Variants in PPFIA2 observed in about 807,000 individuals in gnomAD.
PPFIA2 encodes the protein liprin-alpha-2.
A neutral mutation model predicts 175.5 loss-of-function variants in PPFIA2; 46 were observed. The observed-to-expected ratio is 0.26, with a 90% CI of 0.21 to 0.34. The LOEUF (loss-of-function observed/expected upper bound fraction) is 0.34. Among genes scored for constraint, PPFIA2 ranks in the 10% least tolerant of loss-of-function variants. PPFIA2 has a pLI of 1.00. For synonymous variants in PPFIA2, 568 were observed against 511.4 expected (o/e 1.11, Z -1.49); for missense variants, 1,179 against 1,506.1 (o/e 0.78, Z 3.60).
At position 81,433,321 on chromosome 12, in the gene PPFIA2, T is replaced by A. The variant is rs2048423687; in HGVS notation, c.645+6651A>T. The stretch of plus-strand genomic sequence containing the variant: ...ATACTCAAATGCTGTCTTTTTAGGT[T>A]GAAGTCTTCTCCGATCCTTTGGCAC... On this transcript the variant is annotated intron_variant, in intron 7 of 32. Transcript: ENST00000549396. Among the ~76,000 whole-genome samples the A allele has an allele frequency of 2.0e-5, 3 of 152,204 alleles. No individual in the cohort carries two copies. In the South Asian group the frequency reaches 6.2e-4, roughly 31 times the overall value.
intron 3 of PPFIA2, among the ~76,000 whole-genome samples, chr12:81,710,614 A>G (rs930002910): frequency 2.0e-5 from 3 of 152,272 alleles, no homozygotes; most frequent in South Asian, 4.1e-4. Flanking sequence ...TTACATATAC[A>G]TAATGAGATA....
At chr12:81,653,969 T>C (rs1242615687) in intron 4 of PPFIA2, among the ~76,000 whole-genome samples, 4 of 152,010 alleles carry the variant, frequency 2.6e-5, no homozygotes, top group Non-Finnish European at 4.4e-5. Context: ...TATAGTAATA[T>C]GTGCGTATAA....
chr12:81,642,562 T>C (rs894059295), intron 4 of PPFIA2, among the ~76,000 whole-genome samples: 8 of 147,014 alleles, frequency 5.4e-5, no homozygotes, highest in Admixed American at 3.4e-4. Context: ...AAAACAAGCA[T>C]TGCCCCTTAT....
At chr12:81,421,957 G>A (rs1156713450) in intron 7 of PPFIA2, among the ~76,000 whole-genome samples, 1 of 151,348 alleles carries the variant, frequency 6.6e-6, no homozygotes, top group African/African-American at 2.4e-5. Flanking sequence ...AAAGAAAGCT[G>A]GGAATGGCTA....
At chr12:81,499,165 A>G (rs2060333974) in intron 4 of PPFIA2, among the ~76,000 whole-genome samples, 1 of 152,180 alleles carries the variant, frequency 6.6e-6, no homozygotes, top group Admixed American at 6.5e-5. Flanking sequence ...TTGCCAGGAC[A>G]TACATCTGCC....
intron 4 of PPFIA2, among the ~76,000 whole-genome samples, chr12:81,636,426 C>T (rs1393739936): frequency 6.6e-6 from 1 of 150,890 alleles, no homozygotes; most frequent in Non-Finnish European, 1.5e-5. Context: ...CTACCACGCC[C>T]GGCTAATTTT....
chr12:81,307,021 T>A (rs2049409053), intron 22 of PPFIA2, among the ~76,000 whole-genome samples: 1 of 152,244 alleles, frequency 6.6e-6, no homozygotes, highest in South Asian at 2.1e-4. Flanking sequence ...GTTTGTGCAT[T>A]ACCAATTCCA....
rs1249065788 is a variant in PPFIA2, at chr12:81,747,357, G to A, written c.249+6616C>T. ...AGGGACATGTGTGACTGGCCATGGT[G>A]GAAGTGGAAAATTTAGGAAAATTTA... On this transcript the variant is annotated intron_variant, in intron 3 of 32. Coordinates refer to ENST00000549396, the MANE Select transcript of PPFIA2 (RefSeq NM_003625.5). 4.2e-5 allele frequency among the ~76,000 whole-genome samples: 6 copies of A among 144,020 alleles called. 2 individuals are homozygous for A. Among genetic ancestry groups the A allele is most frequent in the Non-Finnish European group, 9.3e-5 (6 of 64,230 alleles). 94.5% of individuals were successfully genotyped at this position (144,020 alleles called of 152,430 possible).
At chr12:81,660,058 A>G (rs2068531386) in intron 4 of PPFIA2, among the ~76,000 whole-genome samples, 1 of 152,180 alleles carries the variant, frequency 6.6e-6, no homozygotes, top group East Asian at 1.9e-4. Flanking sequence ...CATCACCATC[A>G]TCAAAGACCA....
chr12:81,514,658 A>G (rs1415379557), intron 4 of PPFIA2, among the ~76,000 whole-genome samples: 2 of 151,942 alleles, frequency 1.3e-5, no homozygotes, highest in Non-Finnish European at 2.9e-5. Context: ...AAATCATGCA[A>G]TTCTGATACA....
intron 17 of PPFIA2, among the ~76,000 whole-genome samples, chr12:81,352,390 AG>A (rs1453356335): frequency 2.6e-5 from 4 of 151,420 alleles, no homozygotes; most frequent in Non-Finnish European, 5.9e-5. Context: ...AGAGAGAGAG[AG>A]AGAGAGAGGC....
intron 4 of PPFIA2, among the ~76,000 whole-genome samples, chr12:81,663,848 C>T (rs985540834): frequency 2.0e-5 from 3 of 152,062 alleles, no homozygotes; most frequent in South Asian, 2.1e-4. Flanking sequence ...GAGATATAGA[C>T]CAATGGAACA....
intron 27 of PPFIA2, among the ~76,000 whole-genome samples, chr12:81,278,762 A>T (rs1016438774): frequency 1.3e-5 from 2 of 152,198 alleles, no homozygotes; most frequent in Non-Finnish European, 2.9e-5. Flanking sequence ...GATGCAGAAG[A>T]TGTGATAGGA....
intron 4 of PPFIA2, among the ~76,000 whole-genome samples, chr12:81,595,646 T>A (rs573658090): frequency 6.6e-6 from 1 of 152,278 alleles, no homozygotes; most frequent in East Asian, 1.9e-4. Flanking sequence ...GAAGTATGAA[T>A]GTGTTTGTCT....
At chr12:81,294,110 G>A (rs918819106) in intron 24 of PPFIA2, among the ~76,000 whole-genome samples, 2 of 152,064 alleles carry the variant, frequency 1.3e-5, no homozygotes, top group African/African-American at 4.8e-5. Context: ...TGGACAGGTA[G>A]AAGGAAATAA....
chr12:81,627,344 T>C (rs1194405362), intron 4 of PPFIA2, among the ~76,000 whole-genome samples: 1 of 152,134 alleles, frequency 6.6e-6, no homozygotes, highest in Non-Finnish European at 1.5e-5. Flanking sequence ...GATTTCCCAG[T>C]TAGCCTGATT....
In PPFIA2 at chr12:81,472,018, C is replaced by T. The variant is rs117979962; in HGVS notation, c.304-14152G>A. ...CAAATACACACAAGGAAATATTATT[C>T]AACAATAAAAAGAAATGTAGTATAC... is the stretch of plus-strand genomic sequence containing the variant. On this transcript the variant is annotated intron_variant, in intron 4 of 32. Coordinates refer to ENST00000549396, the MANE Select transcript of PPFIA2 (RefSeq NM_003625.5). Among the ~76,000 whole-genome samples the T allele has an allele frequency of 9.5e-3, 1,440 of 152,010 alleles. 19 individuals are homozygous for T. Among genetic ancestry groups the T allele is most frequent in the Non-Finnish European group, 0.015 (1,022 of 67,984 alleles).
chr12:81,555,053 A>C (rs2068608190), intron 4 of PPFIA2, among the ~76,000 whole-genome samples: 1 of 152,018 alleles, frequency 6.6e-6, no homozygotes. Flanking sequence ...TTCAAAGAGA[A>C]CACCTCTAAA....
At chr12:81,559,535 A>T (rs2069543256) in intron 4 of PPFIA2, among the ~76,000 whole-genome samples, 1 of 152,202 alleles carries the variant, frequency 6.6e-6, no homozygotes, top group African/African-American at 2.4e-5. Context: ...TGATCTAATG[A>T]GATTTTATAA....
Sources: allele counts gnomAD v4.1 joint callset (sites outside exome capture counted in the v4.1 genomes callset), GRCh38; gene constraint gnomAD v4.1.1; transcripts MANE v1.5; gene names NCBI Gene and HGNC (gene_info 2026-07-23, HGNC 2026-07-21).